TMEM266: variants seen among roughly 807,000 people sequenced by gnomAD.
TMEM266 encodes the protein Hv1 related protein 1.
Under a neutral mutation model 50.5 loss-of-function variants are expected in TMEM266, and 33 were observed. The observed-to-expected ratio is 0.65, with a 90% CI of 0.50 to 0.87. The LOEUF is 0.87. Among genes scored for constraint, TMEM266 ranks in the 40% least tolerant of loss-of-function variants. The probability of loss-of-function intolerance (pLI) is 0.00; values close to 1 mark genes in which losing one functional copy is unlikely to be tolerated. For synonymous variants in TMEM266, 310 were observed against 292.3 expected (o/e 1.06, Z -0.62); for missense variants, 655 against 695.1 (o/e 0.94, Z 0.65).
chr15:76,148,998 G>A (rs1382251382), intron 3 of TMEM266, among the ~76,000 whole-genome samples: 1 of 152,198 alleles, frequency 6.6e-6, no homozygotes, highest in East Asian at 1.9e-4. Flanking sequence ...TGAGAGTTCT[G>A]GTTTCGTGGT....
intron 1 of TMEM266, among the ~76,000 whole-genome samples, chr15:76,127,032 C>T (rs1194048776): frequency 1.3e-5 from 2 of 151,920 alleles, no homozygotes; most frequent in Non-Finnish European, 2.9e-5. Flanking sequence ...TAATAATAAC[C>T]ACCATAGTGA....
At chr15:76,171,978 G>A (rs947371532) in intron 7 of TMEM266, among the ~76,000 whole-genome samples, 18 of 152,170 alleles carry the variant, frequency 1.2e-4, no homozygotes, top group African/African-American at 3.4e-4. Context: ...GTCATCTTAT[G>A]GAAGGGGGAA....
chr15:76,102,058 G>A (rs1268361987), intron 1 of TMEM266, among the ~76,000 whole-genome samples: 1 of 152,192 alleles, frequency 6.6e-6, no homozygotes, highest in Non-Finnish European at 1.5e-5. Context: ...GTGATTGGGT[G>A]ACCTGCGGCA....
At chr15:76,132,042 G>A (rs1048408371) in intron 1 of TMEM266, among the ~76,000 whole-genome samples, 1 of 152,016 alleles carries the variant, frequency 6.6e-6, no homozygotes, top group African/African-American at 2.4e-5. Flanking sequence ...GGGTTGCCCT[G>A]TCTCCCAGAA....
intron 1 of TMEM266, among the ~76,000 whole-genome samples, chr15:76,132,265 T>G (rs1042768280): frequency 2.0e-5 from 3 of 151,692 alleles, no homozygotes; most frequent in African/African-American, 7.3e-5. Context: ...TCTGCCCCCA[T>G]GCCTGGCTAA....
chr15:76,098,195 A>G (rs1482373111), intron 1 of TMEM266, among the ~76,000 whole-genome samples: 1 of 151,896 alleles, frequency 6.6e-6, no homozygotes, highest in Non-Finnish European at 1.5e-5. Context: ...GGTTTTTGGA[A>G]TTTTCAGCCT....
chr15:76,172,515 C>T (rs1048351959), intron 7 of TMEM266, among the ~76,000 whole-genome samples: 1 of 152,268 alleles, frequency 6.6e-6, no homozygotes, highest in African/African-American at 2.4e-5. Flanking sequence ...CCCTGGGCCT[C>T]ACCCTATGTT....
intron 3 of TMEM266, among the ~76,000 whole-genome samples, chr15:76,150,380 C>T (rs2142042035): frequency 6.6e-6 from 1 of 152,318 alleles, no homozygotes; most frequent in East Asian, 1.9e-4. Context: ...CAGCTCCTTC[C>T]TTGAGAACTT....
In TMEM266 at chr15:76,160,150, G is replaced by A. The variant is rs1276440273; in HGVS notation, c.438G>A (p.Leu146=). The A allele has an allele frequency of 8.1e-6, 13 of 1,614,042 alleles. No individual in the cohort carries two copies. Among genetic ancestry groups the A allele is most frequent in the Non-Finnish European group, 1.0e-5 (12 of 1,179,996 alleles). The stretch of plus-strand genomic sequence containing the variant: ...TTCACTGGATCAGCCTGGTCATTCT[G>A]TCCGTGTTCTTCTCAGAGGTAGGTG... The change falls in exon 5 of 11, where the codon CTG becomes CTA. Residue 146 remains leucine, a synonymous_variant. Transcript: ENST00000388942. This position sits in a 1 kb window ranked among gnomAD's most constrained non-coding sequence, Gnocchi z 5.7.
At chr15:76,154,099 C>T (rs1353729227) in intron 3 of TMEM266, among the ~76,000 whole-genome samples, 1 of 152,228 alleles carries the variant, frequency 6.6e-6, no homozygotes, top group African/African-American at 2.4e-5. Context: ...TCACCAGGCC[C>T]TCTCCGGACC....
chr15:76,108,159 G>C (rs552804869), intron 1 of TMEM266, among the ~76,000 whole-genome samples: 1 of 152,242 alleles, frequency 6.6e-6, no homozygotes, highest in Non-Finnish European at 1.5e-5. Context: ...ATGCTCTGTC[G>C]TGACAACTTG....
intron 8 of TMEM266, among the ~76,000 whole-genome samples, chr15:76,179,697 A>G (rs1243834331): frequency 6.6e-6 from 1 of 152,184 alleles, no homozygotes; most frequent in African/African-American, 2.4e-5. Flanking sequence ...TCCTTGCTGG[A>G]ATTCTCAGAG....
At chr15:76,190,037 A>G (rs181744868) in intron 8 of TMEM266, among the ~76,000 whole-genome samples, 126 of 152,318 alleles carry the variant, frequency 8.3e-4, no homozygotes, top group Admixed American at 1.7e-3. Context: ...TTTTAGTTGT[A>G]TGTGTTTTAC....
intron 2 of TMEM266, among the ~76,000 whole-genome samples, chr15:76,136,482 A>T (rs2142031029): frequency 6.6e-6 from 1 of 152,260 alleles, no homozygotes; most frequent in Non-Finnish European, 1.5e-5. Context: ...TGGCATTCAA[A>T]CCAGCACCAG....
intron 9 of TMEM266, among the ~76,000 whole-genome samples, chr15:76,196,718 C>A (rs921582173): frequency 3.5e-4 from 53 of 152,142 alleles, no homozygotes; most frequent in African/African-American, 1.2e-3. Flanking sequence ...TGGGGGAGGG[C>A]AGCCCAGGAG....
rs990574059 is a variant in TMEM266, at chr15:76,079,848, T to C, written c.-97+19832T>C. On this transcript the variant is annotated intron_variant, in intron 1 of 10. Transcript: ENST00000388942. ...TAGGGCGGTGGGGGGGTGGGGGCAG[T>C]GCAGTGGGACATAACTCAACCCACT... 2.0e-5 allele frequency among the ~76,000 whole-genome samples: 3 copies of C among 150,442 alleles called. 1 individual carries two copies. Among genetic ancestry groups the C allele is most frequent in the African/African-American group, 7.4e-5 (3 of 40,772 alleles).
rs1432622179 is a variant in TMEM266, at chr15:76,204,114, G to A, written c.1395G>A (p.Arg465=). 3 of 1,612,940 alleles carry A rather than the reference G, an allele frequency of 1.9e-6. No individual in the cohort carries two copies. The highest frequency in any genetic ancestry group is 2.2e-5 in the East Asian group (1 of 44,866). Residue 465 remains arginine, a synonymous_variant, in exon 11 of 11, where the codon CGG becomes CGA. Coordinates refer to ENST00000388942, the MANE Select transcript of TMEM266 (RefSeq NM_152335.3). ...CCTTGGACCCAGCCCCCCTCGCCCG[G>A]CCCAGCCCAGCGGGCTCGGCCCAAA... is the stretch of plus-strand genomic sequence containing the variant.
intron 1 of TMEM266, among the ~76,000 whole-genome samples, chr15:76,127,390 A>C (rs968002585): frequency 6.6e-6 from 1 of 151,222 alleles, no homozygotes; most frequent in African/African-American, 2.4e-5. Context: ...GCAGTGGCTC[A>C]ATCATAGCTC....
intron 3 of TMEM266, among the ~76,000 whole-genome samples, chr15:76,152,040 G>C (rs899357456): frequency 3.3e-5 from 5 of 152,144 alleles, no homozygotes; most frequent in African/African-American, 1.2e-4. Flanking sequence ...GTGTGCAGCT[G>C]GGCTGAGATC....
Sources: gnomAD v4.1 joint callset for allele counts (sites outside exome capture counted in the v4.1 genomes callset) on GRCh38, gnomAD v4.1.1 for gene constraint, Gnocchi (gnomAD v3.1) non-coding constraint, MANE v1.5 for transcripts, NCBI Gene and HGNC (gene_info 2026-07-23, HGNC 2026-07-21) for gene names.